PARD3B: variants seen among roughly 807,000 people sequenced by gnomAD.
The protein encoded by PARD3B is partitioning defective 3 homolog B.
Under a neutral mutation model 130.2 loss-of-function variants are expected in PARD3B, and 103 were observed. The observed-to-expected ratio is 0.79, with a 90% CI of 0.67 to 0.93. The LOEUF (loss-of-function observed/expected upper bound fraction) is 0.93. PARD3B is among the 40% of genes least tolerant of loss of function. The pLI, the probability that PARD3B is intolerant of heterozygous loss-of-function variation, is 0.00. For missense variants in PARD3B, 1,609 were observed against 1,499.2 expected (o/e 1.07, Z -1.21); for synonymous variants, 583 against 553.2 (o/e 1.05, Z -0.76).
intron 16 of PARD3B, among the ~76,000 whole-genome samples, chr2:205,256,722 G>A (rs182257737): frequency 1.3e-5 from 2 of 152,206 alleles, no homozygotes; most frequent in East Asian, 1.9e-4. Context: ...GATCTAGCAT[G>A]GGGACTGGCA....
At position 205,299,021 on chromosome 2, in the gene PARD3B, A is replaced by T. The variant is rs773946063; in HGVS notation, c.2186-1509A>T. On this transcript the variant is annotated intron_variant, in intron 16 of 22. Coordinates refer to ENST00000406610, the MANE Select transcript of PARD3B (RefSeq NM_001302769.2). ...TAGCACAACTATAAGGATTATAGTA[A>T]GTTACTGTGGGTGAGGCATTTAGAA... is the stretch of plus-strand genomic sequence containing the variant. Among the ~76,000 whole-genome samples the T allele has an allele frequency of 7.9e-5, 12 of 152,334 alleles. 1 individual carries two copies. The highest frequency in any genetic ancestry group is 3.4e-3 in the Middle Eastern group (1 of 294).
At chr2:205,260,711 T>G (rs1343450679) in intron 16 of PARD3B, among the ~76,000 whole-genome samples, 3 of 152,138 alleles carry the variant, frequency 2.0e-5, no homozygotes, top group South Asian at 4.1e-4. Flanking sequence ...AGGTCAGTAT[T>G]ATGGTTGCAA....
chr2:205,216,098 A>T (rs1489473308), intron 15 of PARD3B, among the ~76,000 whole-genome samples: 1 of 152,206 alleles, frequency 6.6e-6, no homozygotes, highest in Non-Finnish European at 1.5e-5. Flanking sequence ...AGCTTATAAC[A>T]GTCTATGTTT....
chr2:205,500,304 T>A (rs1454762691), intron 21 of PARD3B, among the ~76,000 whole-genome samples: 1 of 152,156 alleles, frequency 6.6e-6, no homozygotes, highest in Non-Finnish European at 1.5e-5. Context: ...TTAGCTACTT[T>A]AAAGAGGGCA....
intron 2 of PARD3B, among the ~76,000 whole-genome samples, chr2:204,948,398 G>A (rs1449463902): frequency 2.7e-4 from 41 of 152,212 alleles, no homozygotes; most frequent in Non-Finnish European, 1.2e-4. Flanking sequence ...CATTGAAGCT[G>A]TGTGATTTTG....
chr2:204,588,033 T>C (rs2125089986), intron 1 of PARD3B, among the ~76,000 whole-genome samples: 1 of 152,242 alleles, frequency 6.6e-6, no homozygotes. Flanking sequence ...AGCATGAGAA[T>C]GGGCTAATAC....
chr2:204,806,318 A>T (rs146158104), intron 2 of PARD3B, among the ~76,000 whole-genome samples: 1 of 152,318 alleles, frequency 6.6e-6, no homozygotes, highest in East Asian at 1.9e-4. Context: ...CAGAATAGGG[A>T]ACCTAGAAAG....
chr2:204,975,285 C>T (rs1164814840), intron 3 of PARD3B, among the ~76,000 whole-genome samples: 1 of 152,166 alleles, frequency 6.6e-6, no homozygotes, highest in African/African-American at 2.4e-5. Flanking sequence ...CATTGACTCA[C>T]TAGTTTGGCC....
At chr2:204,983,411 G>A (rs1692856440) in intron 3 of PARD3B, among the ~76,000 whole-genome samples, 1 of 143,160 alleles carries the variant, frequency 7.0e-6, no homozygotes, top group Admixed American at 7.0e-5. Flanking sequence ...GGGGGAGTCG[G>A]GAGAGGAAGG....
intron 2 of PARD3B, among the ~76,000 whole-genome samples, chr2:204,912,945 A>G (rs930130377): frequency 1.3e-5 from 2 of 152,246 alleles, no homozygotes; most frequent in Non-Finnish European, 2.9e-5. Context: ...ATGACTTTCA[A>G]AGGGGTTATT....
chr2:205,483,796 T>G (rs767704602), intron 20 of PARD3B, among the ~76,000 whole-genome samples: 2 of 152,194 alleles, frequency 1.3e-5, no homozygotes, highest in African/African-American at 4.8e-5. Context: ...ATTTAAACCT[T>G]GAGGCTTATA....
chr2:205,523,665 G>A (rs963755236), intron 21 of PARD3B, among the ~76,000 whole-genome samples: 1 of 151,896 alleles, frequency 6.6e-6, no homozygotes, highest in Non-Finnish European at 1.5e-5. Context: ...ATACAGTTGT[G>A]TTTCTAAAGA....
chr2:205,573,733 A>T (rs115326477), intron 22 of PARD3B, among the ~76,000 whole-genome samples: 2,931 of 152,340 alleles, frequency 0.019, 94 homozygotes, highest in African/African-American at 0.067. Flanking sequence ...ATCTCTTTAA[A>T]AAGCCAACTT....
intron 15 of PARD3B, among the ~76,000 whole-genome samples, chr2:205,213,667 A>G (rs1306383501): frequency 6.6e-6 from 1 of 152,180 alleles, no homozygotes; most frequent in African/African-American, 2.4e-5. Context: ...GAGTAGGAAA[A>G]TAGAATGAGG....
At chr2:204,751,328 AAC>A (rs1211208745) in intron 2 of PARD3B, among the ~76,000 whole-genome samples, 1 of 152,198 alleles carries the variant, frequency 6.6e-6, no homozygotes, top group Non-Finnish European at 1.5e-5. Flanking sequence ...CAAAAACAAA[AAC>A]ACAAAAAAAT....
At chr2:205,583,377 C>CTGTGTGTGTGTGTGTGTGTGTGTG (rs139162850) in intron 22 of PARD3B, among the ~76,000 whole-genome samples, 1 of 150,374 alleles carries the variant, frequency 6.7e-6, no homozygotes, top group African/African-American at 2.4e-5. Context: ...CTCCTAAGCT[C>CTGTGTGTGTGTGTGTGTGTGTGTG]TGTGTGTGTG....
At chr2:205,236,292 A>G (rs536407643) in intron 15 of PARD3B, among the ~76,000 whole-genome samples, 1 of 152,328 alleles carries the variant, frequency 6.6e-6, no homozygotes, top group East Asian at 1.9e-4. Context: ...TTCTACAGAC[A>G]TTCTTCCAGA....
chr2:204,654,690 A>G (rs1488131226), intron 1 of PARD3B, among the ~76,000 whole-genome samples: 2 of 152,146 alleles, frequency 1.3e-5, no homozygotes, highest in Admixed American at 6.5e-5. Flanking sequence ...TTCTTGAGGG[A>G]AGTGTTTTAC....
At chr2:205,571,284 T>A (rs1168835284) in intron 22 of PARD3B, among the ~76,000 whole-genome samples, 1 of 152,224 alleles carries the variant, frequency 6.6e-6, no homozygotes, top group East Asian at 1.9e-4. Context: ...GAAAGATGGT[T>A]ACATAAAACA....
Sources: allele counts gnomAD v4.1 joint callset (sites outside exome capture counted in the v4.1 genomes callset), GRCh38; gene constraint gnomAD v4.1.1; transcripts MANE v1.5; gene names NCBI Gene and HGNC (gene_info 2026-07-23, HGNC 2026-07-21).